The following PCDHA4 variants were observed in gnomAD, a reference collection of about 807,000 sequenced individuals.
PCDHA4 encodes the protein protocadherin alpha-4.
In PCDHA4, 49 loss-of-function variants were observed where a neutral mutation model predicts 61.4. The ratio of observed to expected loss-of-function variants is 0.80; its 90% confidence interval spans 0.63 to 1.01. The LOEUF (loss-of-function observed/expected upper bound fraction) is 1.01. Ranked by LOEUF, PCDHA4 falls within the 50% of genes least tolerant of loss-of-function variation. The probability of loss-of-function intolerance (pLI) is 0.00; values close to 1 mark genes in which losing one functional copy is unlikely to be tolerated. For synonymous variants in PCDHA4, 590 were observed against 550.3 expected (o/e 1.07, Z -1.01); for missense variants, 1,254 against 1,235.8 (o/e 1.01, Z -0.22).
chr5:140,809,625 C>A (rs782420889), intron 1 of PCDHA4, 53 bp downstream of exon 1: 3 of 1,508,084 alleles, frequency 2.0e-6, no homozygotes, highest in Non-Finnish European at 1.8e-6. Flanking sequence ...TCTCTATCAA[C>A]TTCTTCGTAA....
At chr5:140,868,231 T>C in intron 1 of PCDHA4, 1 of 152,170 alleles carries the variant, frequency 6.6e-6, no homozygotes, top group East Asian at 1.9e-4. Flanking sequence ...TAAAAACTCA[T>C]CTAGATCAAT....
intron 1 of PCDHA4, chr5:140,862,204 A>C: frequency 5.7e-6 from 1 of 176,474 alleles, no homozygotes; most frequent in Non-Finnish European, 1.2e-5. Flanking sequence ...ATGTTTGATC[A>C]CTGCACAGAC....
chr5:140,968,758 T>C, intron 1 of PCDHA4: 1 of 1,614,150 alleles, frequency 6.2e-7, no homozygotes, highest in South Asian at 1.1e-5. Flanking sequence ...TGGTCCGAGA[T>C]AATGGAGAGC....
At chr5:140,827,022 A>G (rs1294814001) in intron 1 of PCDHA4, among the ~76,000 whole-genome samples, 2 of 152,218 alleles carry the variant, frequency 1.3e-5, no homozygotes, top group African/African-American at 4.8e-5. Context: ...TAAAAATATG[A>G]ATTTAAAAAT....
At chr5:140,856,282 G>T (rs1554148485) in intron 1 of PCDHA4, 1 of 1,598,456 alleles carries the variant, frequency 6.3e-7, no homozygotes, top group African/African-American at 1.3e-5. Context: ...AGGTAAATCT[G>T]CAGAATGGCA....
chr5:140,972,056 G>A (rs995898254), intron 1 of PCDHA4, among the ~76,000 whole-genome samples: 8 of 152,106 alleles, frequency 5.3e-5, no homozygotes, highest in Non-Finnish European at 1.2e-4. Flanking sequence ...TCACCTAGTC[G>A]TATATATTAA....
At chr5:140,882,301 G>T in intron 1 of PCDHA4, 1 of 1,613,800 alleles carries the variant, frequency 6.2e-7, no homozygotes, top group Non-Finnish European at 8.5e-7. Context: ...GCCCAAGACC[G>T]CGGCAACTAC....
intron 1 of PCDHA4, chr5:140,824,296 G>T: frequency 4.5e-6 from 4 of 897,790 alleles, no homozygotes; most frequent in Non-Finnish European, 5.3e-6. Context: ...AGGCTTTTCT[G>T]CTGGGGTAAT....
rs2150203644 is a variant in PCDHA4, at chr5:140,832,732, A to G, written c.2385+23160A>G. Among the ~76,000 whole-genome samples the G allele has an allele frequency of 1.6e-4, 25 of 152,362 alleles. No individual in the cohort carries two copies. In the East Asian group the frequency reaches 4.4e-3, roughly 27 times the overall value. On this transcript the variant is annotated intron_variant, in intron 1 of 3. Coordinates refer to ENST00000530339, the MANE Select transcript of PCDHA4 (RefSeq NM_018907.4). ...ATAGATAAATAAAGGTAAGTATCCT[A>G]CATAAATACGATGATAGTAAAAGCA...
intron 3 of PCDHA4, among the ~76,000 whole-genome samples, chr5:140,990,910 A>G (rs1460988111): frequency 1.3e-5 from 2 of 152,198 alleles, no homozygotes; most frequent in African/African-American, 2.4e-5. Context: ...GTCAAGTTTT[A>G]TAAGTCTTTA....
At chr5:140,876,315 C>G (rs2056279391) in intron 1 of PCDHA4, 1 of 1,613,840 alleles carries the variant, frequency 6.2e-7, no homozygotes, top group African/African-American at 1.3e-5. Flanking sequence ...CCTATGGGAT[C>G]AAAATGATTT....
rs182448614 is a variant in PCDHA4, at chr5:140,856,533, G to T, written c.2385+46961G>T. The T allele has an allele frequency of 3.4e-4, 545 of 1,598,390 alleles. 56 individuals carry two copies. The highest frequency in any genetic ancestry group is 4.4e-4 in the Non-Finnish European group (516 of 1,167,858). On this transcript the variant is annotated intron_variant, in intron 1 of 3. Transcript: ENST00000530339. ...GAAGGCGCATCTGATGCGGATGTTG[G>T]AGAGAACGCATTGCTTACTTACAAA... is the stretch of plus-strand genomic sequence containing the variant.
At chr5:140,871,125 G>A (rs1387416665) in intron 1 of PCDHA4, 1 of 1,613,330 alleles carries the variant, frequency 6.2e-7, no homozygotes. Context: ...GCGGACAGGC[G>A]CCAAAGGCCT....
intron 1 of PCDHA4, among the ~76,000 whole-genome samples, chr5:140,894,946 A>G (rs1463727802): frequency 6.6e-6 from 1 of 152,206 alleles, no homozygotes; most frequent in African/African-American, 2.4e-5. Flanking sequence ...ATTGTCATGA[A>G]ATGATAAAAA....
At chr5:141,009,462 A>G (rs1279658091) in intron 3 of PCDHA4, 165 bp from the exon 4 acceptor site, 2 of 954,512 alleles carry the variant, frequency 2.1e-6, no homozygotes, top group Non-Finnish European at 2.5e-6. Flanking sequence ...TAAACAAATA[A>G]ATAAATAAGT....
At chr5:140,835,774 T>C in intron 1 of PCDHA4, 3 of 1,613,040 alleles carry the variant, frequency 1.9e-6, no homozygotes, top group Non-Finnish European at 2.5e-6. Context: ...ACGGTGTTCG[T>C]GAAGGAGAAC....
chr5:140,988,021 T>C (rs2097278466), intron 3 of PCDHA4, among the ~76,000 whole-genome samples: 1 of 152,216 alleles, frequency 6.6e-6, no homozygotes. Context: ...AGCATGATTC[T>C]TAAGTTTTTT....
chr5:140,845,590 G>A (rs1475387499), intron 1 of PCDHA4, among the ~76,000 whole-genome samples: 3 of 149,560 alleles, frequency 2.0e-5, no homozygotes, highest in Non-Finnish European at 4.5e-5. Flanking sequence ...AAATGTGTCA[G>A]AAGTTAGTTA....
intron 1 of PCDHA4, chr5:140,825,445 T>C (rs1389110393): frequency 1.3e-5 from 2 of 148,158 alleles, no homozygotes; most frequent in Non-Finnish European, 3.0e-5. Context: ...AATAATAATA[T>C]ATATCAGATA....
Sources: gnomAD v4.1 joint callset for allele counts (sites outside exome capture counted in the v4.1 genomes callset) on GRCh38, gnomAD v4.1.1 for gene constraint, MANE v1.5 for transcripts, NCBI Gene and HGNC (gene_info 2026-07-23, HGNC 2026-07-21) for gene names.